The following SP3 variants were observed in gnomAD, a reference collection of about 807,000 sequenced individuals.
SP3 encodes the protein transcription factor Sp3.
Under a neutral mutation model 70.3 loss-of-function variants are expected in SP3, and 10 were observed. The ratio of observed to expected loss-of-function variants is 0.14; its 90% CI spans 0.09 to 0.24. The LOEUF is 0.24. Ranked by LOEUF, SP3 falls within the 10% of genes least tolerant of loss-of-function variation. The pLI, the probability that SP3 is intolerant of heterozygous loss-of-function variation, is 1.00. For synonymous variants in SP3, 402 were observed against 333.5 expected (o/e 1.21, Z -2.24); for missense variants, 825 against 914.6 (o/e 0.90, Z 1.26).
rs1229964274 is a variant in SP3, at chr2:173,955,010, G to A, written c.1502C>T (p.Ala501Val). ...AGTTGAAGTGAAGGCTCCACCTGCC[G>A]CAACTTGACCAAGTGTGAGGGTTTG... Reference protein sequence around the residue: ...PVQTLTLGQVAAGGAFTSTPV... With the variant: ...PVQTLTLGQVVAGGAFTSTPV... Residue 501 changes from alanine to valine, a missense_variant, in exon 4 of 7, where the codon GCG becomes GTG. Ala to Val is a moderately conservative substitution (Grantham distance 64). Around this residue, in one of 4 missense-constraint regions of SP3, gnomAD observed 678 missense variants for 651.6 expected, o/e 1.04. Transcript: ENST00000310015. The A allele has an allele frequency of 1.9e-6, 3 of 1,614,164 alleles. No individual in the cohort carries two copies. The highest frequency in any genetic ancestry group is 2.5e-6 in the Non-Finnish European group (3 of 1,180,022).
intron 4 of SP3, among the ~76,000 whole-genome samples, chr2:173,924,948 C>T (rs945524830): frequency 6.6e-5 from 10 of 152,122 alleles, no homozygotes; most frequent in African/African-American, 1.9e-4. Flanking sequence ...AGTGCAGTGG[C>T]GTGATCTCAG....
chr2:173,945,867 C>T (rs1690520960), intron 4 of SP3, among the ~76,000 whole-genome samples: 2 of 152,118 alleles, frequency 1.3e-5, no homozygotes, highest in Admixed American at 1.3e-4. Context: ...TGGCTCATGC[C>T]TTAATCCCAG....
At chr2:173,964,173 T>C in intron 2 of SP3, 1 of 399,052 alleles carries the variant, frequency 2.5e-6, no homozygotes. Context: ...GAGGGCACGC[T>C]GGGGCCCACA....
intron 4 of SP3, among the ~76,000 whole-genome samples, chr2:173,940,240 T>C (rs1250963643): frequency 1.3e-5 from 2 of 152,172 alleles, no homozygotes; most frequent in Non-Finnish European, 2.9e-5. Flanking sequence ...ACCAGTTTCA[T>C]GGAAGACAAT....
Position 173,903,484 on chromosome 2 carries a change from A to C in SP3, c.*6457T>G, listed in dbSNP as rs927640661. ...AACTTTACTAAATGAATAAAGATGG[A>C]AAAAAACACACAGAGTTACTAGGAG... On this transcript the variant is annotated 3_prime_UTR_variant, in exon 7 of 7. Transcript: ENST00000310015. Among the ~76,000 whole-genome samples the C allele has an allele frequency of 2.6e-5, 4 of 152,212 alleles. No individual in the cohort carries two copies. Among genetic ancestry groups the C allele is most frequent in the Admixed American group, 2.6e-4 (4 of 15,288 alleles).
rs1002585480 is a variant in SP3, at chr2:173,918,885, T to A, written c.1640-100A>T. The A allele has an allele frequency of 1.4e-5, 14 of 1,001,568 alleles. No homozygotes were observed. In the East Asian group the frequency reaches 2.9e-4, roughly 20 times the overall value. The allele number at this position is 1,001,568 out of a possible 1,614,324, so 62.0% of individuals were successfully genotyped here. A position where few individuals can be genotyped will look rare whatever the true frequency, so the allele number is the denominator to read the frequency against. The stretch of plus-strand genomic sequence containing the variant: ...CTTCTCCCAATGTTACAACTTTGCA[T>A]GCACTACTTCTCTTGCCTAGACTGT... On this transcript the variant is annotated intron_variant, in intron 4 of 6. Coordinates refer to ENST00000310015, the MANE Select transcript of SP3 (RefSeq NM_003111.5).
intron 5 of SP3, chr2:173,916,472 G>A (rs964463425): frequency 9.9e-5 from 15 of 151,686 alleles, no homozygotes; most frequent in African/African-American, 3.4e-4. Flanking sequence ...ACATTTGCAC[G>A]TGACAGAGTT....
chr2:173,924,069 C>G (rs893171132), intron 4 of SP3, among the ~76,000 whole-genome samples: 1 of 151,868 alleles, frequency 6.6e-6, no homozygotes, highest in Non-Finnish European at 1.5e-5. Context: ...TAAATGTTAT[C>G]CCCTTACCAA....
chr2:173,933,861 A>G (rs1208227487), intron 4 of SP3, among the ~76,000 whole-genome samples: 1 of 151,948 alleles, frequency 6.6e-6, no homozygotes, highest in Non-Finnish European at 1.5e-5. Context: ...TAAATCTAAG[A>G]CAAATAAAAT....
At chr2:173,938,350 G>A (rs987553018) in intron 4 of SP3, among the ~76,000 whole-genome samples, 3 of 151,314 alleles carry the variant, frequency 2.0e-5, no homozygotes, top group Non-Finnish European at 4.4e-5. Flanking sequence ...CCAGCTACTC[G>A]GGAGAGGCTG....
In SP3 at chr2:173,908,079, C is replaced by T. The variant is rs1356187380; in HGVS notation, c.*1862G>A. On this transcript the variant is annotated 3_prime_UTR_variant, in exon 7 of 7. Coordinates refer to ENST00000310015, the MANE Select transcript of SP3 (RefSeq NM_003111.5). Reference sequence around the variant, plus strand: ...ATCACATTAATACTCTTTCCTCCTACTCTGCCTTTATAATGATGAAACACA... The same window carrying T: ...ATCACATTAATACTCTTTCCTCCTATTCTGCCTTTATAATGATGAAACACA... 6.6e-6 allele frequency: 1 copy of T among 152,072 alleles called. No individual in the cohort carries two copies. Among genetic ancestry groups the T allele is most frequent in the African/African-American group, 2.4e-5 (1 of 41,432 alleles). The allele number at this position is 152,072 out of a possible 1,614,324, so 9.4% of individuals were successfully genotyped here.
At chr2:173,957,714 A>C (rs1690941309) in intron 3 of SP3, among the ~76,000 whole-genome samples, 1 of 152,138 alleles carries the variant, frequency 6.6e-6, no homozygotes, top group African/African-American at 2.4e-5. Flanking sequence ...GAGTGGTGCA[A>C]TCACATCTGT....
chr2:173,911,758 T>C (rs554423798), intron 6 of SP3, among the ~76,000 whole-genome samples: 5 of 152,114 alleles, frequency 3.3e-5, no homozygotes, highest in Admixed American at 3.3e-4. Flanking sequence ...GCAGTAATTA[T>C]CTCTGTTTCT....
At chr2:173,940,378 G>T (rs897232204) in intron 4 of SP3, among the ~76,000 whole-genome samples, 1 of 152,106 alleles carries the variant, frequency 6.6e-6, no homozygotes, top group Admixed American at 6.5e-5. Context: ...AATAGGGTTC[G>T]GGCTCCTATG....
intron 4 of SP3, among the ~76,000 whole-genome samples, chr2:173,938,891 T>C (rs1198132619): frequency 6.6e-6 from 1 of 152,188 alleles, no homozygotes; most frequent in Non-Finnish European, 1.5e-5. Flanking sequence ...AAGGGGGAGA[T>C]GAAGAACTGT....
Position 173,907,938 on chromosome 2 carries a change from AG to A in SP3, c.*2002del, listed in dbSNP as rs1221926989. Reference sequence around the variant, plus strand: ...GTGTCTAGAGTTCTCCAATGCAATCAGGTATTACAGACAGAGTCAGACTGGG... The same window carrying A: ...GTGTCTAGAGTTCTCCAATGCAATCAGTATTACAGACAGAGTCAGACTGGG... On this transcript the variant is annotated 3_prime_UTR_variant, in exon 7 of 7. Coordinates refer to ENST00000310015, the MANE Select transcript of SP3 (RefSeq NM_003111.5). The A allele has an allele frequency of 1.3e-5, 2 of 152,148 alleles. No individual in the cohort carries two copies. Among genetic ancestry groups the A allele is most frequent in the African/African-American group, 2.4e-5 (1 of 41,450 alleles). 9.4% of individuals were successfully genotyped at this position (152,148 alleles called of 1,614,324 possible).
intron 6 of SP3, among the ~76,000 whole-genome samples, chr2:173,912,222 T>A (rs1294032652): frequency 6.6e-6 from 1 of 152,236 alleles, no homozygotes; most frequent in African/African-American, 2.4e-5. Flanking sequence ...AGAGCATCTG[T>A]ATACTACTAC....
In SP3 at chr2:173,909,808, G is replaced by A. The variant is rs1689426316; in HGVS notation, c.*133C>T. On this transcript the variant is annotated 3_prime_UTR_variant, in exon 7 of 7. Coordinates refer to ENST00000310015, the MANE Select transcript of SP3 (RefSeq NM_003111.5). ...ATCATACAAAGTAAGGCATTTCAGT[G>A]TCATGTATAACCAAGTTACTGTCAA... 1 of 672,648 alleles carries A rather than the reference G, an allele frequency of 1.5e-6. No individual in the cohort carries two copies. Among genetic ancestry groups the A allele is most frequent in the Non-Finnish European group, 2.5e-6 (1 of 400,858 alleles). The allele number at this position is 672,648 out of a possible 1,614,324, so 41.7% of individuals were successfully genotyped here.
At chr2:173,949,440 C>T (rs1690647272) in intron 4 of SP3, among the ~76,000 whole-genome samples, 1 of 151,400 alleles carries the variant, frequency 6.6e-6, no homozygotes, top group Non-Finnish European at 1.5e-5. Context: ...AATTAAAGAG[C>T]ACACTGCCAA....
Sources: gnomAD v4.1 joint callset for allele counts (sites outside exome capture counted in the v4.1 genomes callset) on GRCh38, gnomAD v4.1.1 for gene constraint, gnomAD v4.1.1 regional missense constraint, MANE v1.5 for transcripts, NCBI Gene and HGNC (gene_info 2026-07-23, HGNC 2026-07-21) for gene names.